The following ZNF385D variants were observed in gnomAD, a reference collection of about 807,000 sequenced individuals.
ZNF385D encodes the protein zinc finger protein 659.
ZNF385D carries 15 observed loss-of-function variants against 35.8 expected under a neutral mutation model. The observed-to-expected ratio is 0.42, with a 90% CI of 0.28 to 0.64. The LOEUF is 0.64. Ranked by LOEUF, ZNF385D falls within the 30% of genes least tolerant of loss-of-function variation. The probability of loss-of-function intolerance (pLI) is 0.23; values close to 1 mark genes in which losing one functional copy is unlikely to be tolerated. For missense variants in ZNF385D, 474 were observed against 494.6 expected (o/e 0.96, Z 0.39); for synonymous variants, 212 against 186.8 (o/e 1.13, Z -1.10).
At chr3:22,282,633 A>T (rs1701822151) in intron 2 of ZNF385D, among the ~76,000 whole-genome samples, 1 of 151,932 alleles carries the variant, frequency 6.6e-6, no homozygotes, top group Non-Finnish European at 1.5e-5. Context: ...ATTTGTTGAG[A>T]CTTGTTTTGG....
chr3:21,966,900 G>A (rs982571756), intron 3 of ZNF385D, among the ~76,000 whole-genome samples: 4 of 152,136 alleles, frequency 2.6e-5, no homozygotes, highest in African/African-American at 9.7e-5. Context: ...CACAGCCCCT[G>A]GCCTAGCAGA....
At chr3:21,703,664 C>CAA (rs5847128) in intron 1 of ZNF385D, among the ~76,000 whole-genome samples, 1 of 149,410 alleles carries the variant, frequency 6.7e-6, no homozygotes, top group African/African-American at 2.5e-5. Flanking sequence ...TATCCTCTTA[C>CAA]AAAAAAAAAA....
chr3:22,132,394 C>T (rs1052248940), intron 3 of ZNF385D, among the ~76,000 whole-genome samples: 1 of 152,060 alleles, frequency 6.6e-6, no homozygotes, highest in African/African-American at 2.4e-5. Flanking sequence ...TACATTTCTG[C>T]TATTTAAAAT....
chr3:22,095,174 G>C (rs1167399708), intron 3 of ZNF385D, among the ~76,000 whole-genome samples: 1 of 146,748 alleles, frequency 6.8e-6, no homozygotes, highest in Non-Finnish European at 1.5e-5. Context: ...GCCTCAAGTA[G>C]TCTTGGTCTC....
At chr3:21,589,514 G>A (rs999133567) in intron 2 of ZNF385D, among the ~76,000 whole-genome samples, 2 of 152,052 alleles carry the variant, frequency 1.3e-5, no homozygotes, top group African/African-American at 4.8e-5. Context: ...CTTACTGTAG[G>A]AAAATATTTT....
chr3:22,078,669 A>G (rs763928007), intron 3 of ZNF385D, among the ~76,000 whole-genome samples: 10 of 152,082 alleles, frequency 6.6e-5, no homozygotes, highest in Non-Finnish European at 1.3e-4. Context: ...GGTGATGGCA[A>G]TCAGTGTGTT....
intron 3 of ZNF385D, among the ~76,000 whole-genome samples, chr3:22,070,473 T>C (rs1279096353): frequency 6.6e-6 from 1 of 152,126 alleles, no homozygotes; most frequent in Non-Finnish European, 1.5e-5. Flanking sequence ...AAGAGAGAGT[T>C]GAGTACTTGC....
chr3:21,557,919 G>C (rs2062798004), intron 3 of ZNF385D, among the ~76,000 whole-genome samples: 1 of 151,966 alleles, frequency 6.6e-6, no homozygotes, highest in Admixed American at 6.5e-5. Flanking sequence ...ATTTCTTCTA[G>C]ATTTTCTAGT....
Position 21,449,215 on chromosome 3 carries a change from A to G in ZNF385D, c.440-12012T>C, listed in dbSNP as rs1376451187. On this transcript the variant is annotated intron_variant, in intron 4 of 7. Coordinates refer to ENST00000281523, the MANE Select transcript of ZNF385D (RefSeq NM_024697.3). Reference sequence around the variant, plus strand: ...ATTAATCTCAAAATAAATCTGTGTTATCTCTGAAACCATCTATACTGGCCA... The same window carrying G: ...ATTAATCTCAAAATAAATCTGTGTTGTCTCTGAAACCATCTATACTGGCCA... Among the ~76,000 whole-genome samples, 5 of 152,068 alleles carry G rather than the reference A, an allele frequency of 3.3e-5. No individual in the cohort carries two copies. The South Asian group carries it at 6.2e-4, about 19-fold the overall frequency.
intron 2 of ZNF385D, among the ~76,000 whole-genome samples, chr3:22,286,056 A>G (rs1447177764): frequency 6.6e-6 from 1 of 152,150 alleles, no homozygotes; most frequent in African/African-American, 2.4e-5. Flanking sequence ...AAAGGTTTAT[A>G]ATAAACTACA....
chr3:22,317,492 TTATC>T (rs1368609136), intron 2 of ZNF385D, among the ~76,000 whole-genome samples: 2 of 151,938 alleles, frequency 1.3e-5, no homozygotes, highest in Non-Finnish European at 2.9e-5. Flanking sequence ...CTGTGGGACT[TTATC>T]TACGTAATAA....
intron 1 of ZNF385D, among the ~76,000 whole-genome samples, chr3:21,725,578 T>C (rs1216880983): frequency 1.3e-5 from 2 of 151,782 alleles, no homozygotes; most frequent in Non-Finnish European, 2.9e-5. Context: ...AACTAGAAAA[T>C]CTAGAATAAA....
intron 1 of ZNF385D, among the ~76,000 whole-genome samples, chr3:21,728,839 A>AT (rs368551328): frequency 1.2e-3 from 188 of 152,262 alleles, no homozygotes; most frequent in Middle Eastern, 0.01. Flanking sequence ...ATATTCTAAC[A>AT]TTTTGTATAC....
chr3:22,021,380 G>A (rs1431030577), intron 3 of ZNF385D, among the ~76,000 whole-genome samples: 2 of 151,894 alleles, frequency 1.3e-5, no homozygotes, highest in East Asian at 1.9e-4. Flanking sequence ...ACACAAATAG[G>A]CTTTCAGGCA....
At chr3:22,013,441 T>C (rs970540571) in intron 3 of ZNF385D, among the ~76,000 whole-genome samples, 2 of 152,162 alleles carry the variant, frequency 1.3e-5, no homozygotes, top group Non-Finnish European at 2.9e-5. Flanking sequence ...ATTAATGCTT[T>C]TATGTTTTGT....
chr3:22,106,131 C>A (rs927756059), intron 3 of ZNF385D, among the ~76,000 whole-genome samples: 1 of 152,038 alleles, frequency 6.6e-6, no homozygotes, highest in African/African-American at 2.4e-5. Flanking sequence ...AAGCAGAGCC[C>A]AGGTATTTGT....
intron 3 of ZNF385D, among the ~76,000 whole-genome samples, chr3:21,518,946 G>T (rs1382642641): frequency 6.6e-6 from 1 of 152,088 alleles, no homozygotes; most frequent in Non-Finnish European, 1.5e-5. Context: ...CATGTAAATA[G>T]AAGATTACAT....
intron 3 of ZNF385D, among the ~76,000 whole-genome samples, chr3:21,906,899 G>A (rs955176860): frequency 2.0e-5 from 3 of 152,092 alleles, no homozygotes; most frequent in African/African-American, 7.2e-5. Context: ...TCCATTGCCA[G>A]GTAAACTAGC....
intron 2 of ZNF385D, among the ~76,000 whole-genome samples, chr3:22,251,063 CACTAG>C (rs1700037518): frequency 1.3e-5 from 2 of 152,006 alleles, no homozygotes. Context: ...CTGAAAAATG[CACTAG>C]ACTAACTACT....
Sources: allele counts gnomAD v4.1 joint callset (sites outside exome capture counted in the v4.1 genomes callset), GRCh38; gene constraint gnomAD v4.1.1; transcripts MANE v1.5; gene names NCBI Gene and HGNC (gene_info 2026-07-23, HGNC 2026-07-21).